YEATS4: variants seen among roughly 807,000 people sequenced by gnomAD.
YEATS4 encodes YEATS domain-containing protein 4.
A neutral mutation model predicts 30.1 loss-of-function variants in YEATS4; 17 were observed. The ratio of observed to expected loss-of-function variants is 0.56; its 90% confidence interval spans 0.39 to 0.85. The LOEUF is 0.85. YEATS4 is among the 40% of genes least tolerant of loss of function. The pLI is 0.00. For missense variants in YEATS4, 142 were observed against 268.3 expected, an observed-to-expected ratio of 0.53 and a Z score of 3.29; for synonymous variants, 85 against 87.5, an observed-to-expected ratio of 0.97 and a Z score of 0.16.
downstream of YEATS4, among the ~76,000 whole-genome samples, chr12:69,391,466 A>G (rs554116789): frequency 2.0e-5 from 3 of 152,114 alleles, no homozygotes; most frequent in Admixed American, 2.0e-4. Context: ...TTAATACCTA[A>G]TCTTTAAAGG....
chr12:69,385,753 A>T (rs1337693062), intron 6 of YEATS4, among the ~76,000 whole-genome samples: 1 of 152,232 alleles, frequency 6.6e-6, no homozygotes, highest in Non-Finnish European at 1.5e-5. Context: ...AGAAATAGTA[A>T]AAATGATAGT....
intron 6 of YEATS4, among the ~76,000 whole-genome samples, chr12:69,389,308 G>A (rs943842378): frequency 6.6e-6 from 1 of 151,502 alleles, no homozygotes; most frequent in African/African-American, 2.4e-5. Flanking sequence ...AAATTAGCCG[G>A]GCATGGCAGC....
the YEATS4 span, among the ~76,000 whole-genome samples, chr12:69,397,060 T>A: frequency 6.6e-6 from 1 of 152,086 alleles, no homozygotes; most frequent in Non-Finnish European, 1.5e-5. Context: ...AAGAAGATAA[T>A]AATGCTGGCC....
At chr12:69,405,439 G>A in the YEATS4 span, among the ~76,000 whole-genome samples, 1,278 of 152,190 alleles carry the variant, frequency 8.4e-3, 16 homozygotes, top group African/African-American at 0.03. Context: ...TGACCTCAGC[G>A]TACAGTTTTT....
At chr12:69,392,265 A>G (rs1703038215), downstream of YEATS4, among the ~76,000 whole-genome samples, 1 of 152,156 alleles carries the variant, frequency 6.6e-6, no homozygotes, top group African/African-American at 2.4e-5. Flanking sequence ...AAAAATTGGA[A>G]CCCTCATATA....
Position 69,368,916 on chromosome 12 carries a change from A to G in YEATS4, c.334-1790A>G, listed in dbSNP as rs578146988. ...CCTGCAAAGACCCTGTTTCCAAATA[A>G]TGTCACATCCACAGGTGCTGAGAAT... On this transcript the variant is annotated intron_variant, in intron 4 of 6. Coordinates refer to ENST00000247843, the MANE Select transcript of YEATS4 (RefSeq NM_006530.4). Among the ~76,000 whole-genome samples the G allele has an allele frequency of 3.9e-5, 6 of 152,278 alleles. No homozygotes were observed. In the East Asian group the frequency reaches 1.2e-3, roughly 29 times the overall value.
intron 6 of YEATS4, among the ~76,000 whole-genome samples, chr12:69,374,071 G>T (rs918628714): frequency 6.6e-6 from 1 of 151,242 alleles, no homozygotes; most frequent in African/African-American, 2.4e-5. Flanking sequence ...CTCCAGTTTT[G>T]TTCTTTTTGC....
At chr12:69,409,432 C>T in the YEATS4 span, among the ~76,000 whole-genome samples, 112 of 152,078 alleles carry the variant, frequency 7.4e-4, no homozygotes, top group African/African-American at 2.6e-3. Context: ...GCCTGGCCAA[C>T]ATGACGAAAC....
chr12:69,359,870 C>A lies in YEATS4; in HGVS notation c.-103C>A. On this transcript the variant is annotated 5_prime_UTR_variant, in exon 1 of 7. Transcript: ENST00000247843. Reference sequence around the variant, plus strand: ...TCGCCCTCCTTCGGCTAGAAACCCTCCGCCTGGGCCCGCGCGACAGGAGCG... The same window carrying A: ...TCGCCCTCCTTCGGCTAGAAACCCTACGCCTGGGCCCGCGCGACAGGAGCG... The A allele has an allele frequency of 6.9e-7, 1 of 1,453,564 alleles. No homozygotes were observed. Among genetic ancestry groups the A allele is most frequent in the Non-Finnish European group, 9.4e-7 (1 of 1,062,032 alleles). The allele number at this position is 1,453,564 out of a possible 1,614,324, so 90.0% of individuals were successfully genotyped here. A position where few individuals can be genotyped will look rare whatever the true frequency, so the allele number is the denominator to read the frequency against.
intron 2 of YEATS4, 80 bp downstream of exon 2, chr12:69,362,987 T>TAA: frequency 4.2e-5 from 42 of 1,011,230 alleles, no homozygotes; most frequent in East Asian, 1.3e-4. Context: ...CTGTAGTTTT[T>TAA]TTTTTTTTTT....
At chr12:69,412,040 G>T in the YEATS4 span, among the ~76,000 whole-genome samples, 1 of 152,208 alleles carries the variant, frequency 6.6e-6, no homozygotes, top group Non-Finnish European at 1.5e-5. Context: ...AAGGAGCAAG[G>T]GTAGAAGCAG....
At chr12:69,395,347 T>C (rs549907897), downstream of YEATS4, among the ~76,000 whole-genome samples, 1 of 152,148 alleles carries the variant, frequency 6.6e-6, no homozygotes, top group Non-Finnish European at 1.5e-5. Flanking sequence ...TGTCTATCAA[T>C]AGAAGCTGTA....
chr12:69,405,038 A>G, the YEATS4 span, among the ~76,000 whole-genome samples: 1 of 152,222 alleles, frequency 6.6e-6, no homozygotes, highest in Non-Finnish European at 1.5e-5. Flanking sequence ...ACGGCCTTGG[A>G]TAGAGTAATC....
the YEATS4 span, among the ~76,000 whole-genome samples, chr12:69,419,458 G>A: frequency 6.6e-6 from 1 of 152,062 alleles, no homozygotes; most frequent in Non-Finnish European, 1.5e-5. Context: ...GTAGTCTCAA[G>A]TGATCTTCCT....
intron 1 of YEATS4, among the ~76,000 whole-genome samples, chr12:69,362,179 A>T (rs1168101168): frequency 1.3e-5 from 2 of 151,902 alleles, no homozygotes; most frequent in Non-Finnish European, 2.9e-5. Context: ...CACCAAGCCC[A>T]GCTAATTTTT....
chr12:69,377,661 AT>A (rs1178147277), intron 6 of YEATS4, among the ~76,000 whole-genome samples: 1 of 152,092 alleles, frequency 6.6e-6, no homozygotes, highest in East Asian at 1.9e-4. Flanking sequence ...TCCTCTTGTT[AT>A]TGATTTCTAA....
intron 6 of YEATS4, among the ~76,000 whole-genome samples, chr12:69,388,997 TGC>T (rs1475131158): frequency 6.6e-6 from 1 of 152,184 alleles, no homozygotes; most frequent in Non-Finnish European, 1.5e-5. Flanking sequence ...ATGAAGTATT[TGC>T]CATTATCATT....
At chr12:69,384,178 G>T (rs1425401538) in intron 6 of YEATS4, among the ~76,000 whole-genome samples, 1 of 152,136 alleles carries the variant, frequency 6.6e-6, no homozygotes, top group Non-Finnish European at 1.5e-5. Context: ...CTTTGAAAAG[G>T]TGAAAAGCAC....
intron 2 of YEATS4, among the ~76,000 whole-genome samples, chr12:69,363,843 A>C (rs1875327571): frequency 6.6e-6 from 1 of 152,258 alleles, no homozygotes; most frequent in Non-Finnish European, 1.5e-5. Flanking sequence ...AAAATGTGAT[A>C]TATCCATACA....
Sources: allele counts gnomAD v4.1 joint callset (sites outside exome capture counted in the v4.1 genomes callset), GRCh38; gene constraint gnomAD v4.1.1; transcripts MANE v1.5; gene names NCBI Gene and HGNC (gene_info 2026-07-23, HGNC 2026-07-21).